TMC7: variants seen among roughly 807,000 people sequenced by gnomAD.
TMC7 encodes the protein transmembrane channel-like protein 7.
A neutral mutation model predicts 82.9 loss-of-function variants in TMC7; 54 were observed. That is an observed-to-expected ratio of 0.65 (90% confidence interval 0.52 to 0.82). TMC7 has a LOEUF of 0.82. TMC7 is among the 40% of genes least tolerant of loss of function. The probability of loss-of-function intolerance (pLI) is 0.00; values close to 1 mark genes in which losing one functional copy is unlikely to be tolerated. For missense variants in TMC7, 820 were observed against 901.2 expected (o/e 0.91, Z 1.15); for synonymous variants, 350 against 337.9 (o/e 1.04, Z -0.39).
At position 19,021,796 on chromosome 16, in the gene TMC7, G is replaced by A. The variant is rs768514727; in HGVS notation, c.628G>A (p.Asp210Asn). 2 of 1,613,862 alleles carry A rather than the reference G, an allele frequency of 1.2e-6. No individual in the cohort carries two copies. The highest frequency in any genetic ancestry group is 2.7e-5 in the African/African-American group (2 of 74,900). The change falls in exon 4 of 16, where the codon GAT (aspartate) becomes AAT (asparagine). Residue 210 changes from aspartate to asparagine, a missense_variant and splice_region_variant. Transcript: ENST00000304381. Reference protein sequence around the residue: ...SFVLIPFKDMDKQCTVYPVSS... With the variant: ...SFVLIPFKDMNKQCTVYPVSS... The stretch of plus-strand genomic sequence containing the variant: ...CGTGCTCATTCCTTTCAAAGACATG[G>A]GTGAGTGTAAGGCCTGGTTTACTAC...
At chr16:19,021,497 G>GA (rs1466044548) in intron 3 of TMC7, 132 bp from the exon 4 acceptor site, 8 of 981,406 alleles carry the variant, frequency 8.2e-6, no homozygotes, top group Non-Finnish European at 1.2e-5. Flanking sequence ...TAACAATTGA[G>GA]AAAAAAATAA....
intron 1 of TMC7, among the ~76,000 whole-genome samples, chr16:18,987,869 G>A (rs1380249475): frequency 2.0e-5 from 3 of 152,304 alleles, no homozygotes; most frequent in East Asian, 3.9e-4. Context: ...GAACCTGGAA[G>A]GGCCTTGATA....
At chr16:19,006,217 T>G (rs1016827228) in intron 1 of TMC7, among the ~76,000 whole-genome samples, 30 of 152,008 alleles carry the variant, frequency 2.0e-4, no homozygotes, top group African/African-American at 6.8e-4. Context: ...TTTTTTTTTT[T>G]TGGACGGAGT....
rs1962099941 is a variant in TMC7, at chr16:19,063,672, T to TGTG, written c.*1829_*1830insGTG. On this transcript the variant is annotated 3_prime_UTR_variant, in exon 16 of 16. Transcript: ENST00000304381. ...ACTTGATGATATTCAAGTTTTCTAT[T>TGTG]TGTGTGTGTGTGTGTGTGTGTGTGT... is the stretch of plus-strand genomic sequence containing the variant. 6.7e-6 allele frequency: 1 copy of TGTG among 149,324 alleles called. No individual in the cohort carries two copies. The highest frequency in any genetic ancestry group is 1.5e-5 in the Non-Finnish European group (1 of 67,230). The allele number at this position is 149,324 out of a possible 1,614,324, so 9.2% of individuals were successfully genotyped here. A position where few individuals can be genotyped will look rare whatever the true frequency, so the allele number is the denominator to read the frequency against.
At chr16:18,995,624 C>T (rs570616082) in intron 1 of TMC7, among the ~76,000 whole-genome samples, 84 of 152,290 alleles carry the variant, frequency 5.5e-4, no homozygotes, top group African/African-American at 1.9e-3. Flanking sequence ...CCTGGAGGAA[C>T]GCCTGGCCGC....
At chr16:19,025,995 C>A (rs899305056) in intron 5 of TMC7, among the ~76,000 whole-genome samples, 2 of 151,752 alleles carry the variant, frequency 1.3e-5, no homozygotes, top group African/African-American at 4.8e-5. Context: ...AGGCTGGTCT[C>A]GAGCTCCTGA....
chr16:18,987,270 C>A (rs2038868522), intron 1 of TMC7, among the ~76,000 whole-genome samples: 1 of 152,112 alleles, frequency 6.6e-6, no homozygotes, highest in South Asian at 2.1e-4. Flanking sequence ...CTGAAGTCAT[C>A]TATCTGGTTT....
intron 3 of TMC7, among the ~76,000 whole-genome samples, chr16:19,017,352 A>T (rs1959746397): frequency 6.7e-6 from 1 of 149,310 alleles, no homozygotes; most frequent in Non-Finnish European, 1.5e-5. Context: ...ATTTAATTTA[A>T]ATTAAATGCA....
intron 13 of TMC7, among the ~76,000 whole-genome samples, chr16:19,052,938 C>T (rs1961603133): frequency 6.6e-6 from 1 of 152,156 alleles, no homozygotes; most frequent in African/African-American, 2.4e-5. Context: ...GTCTCGAACT[C>T]CTGATCTCAA....
chr16:19,041,990 C>G (rs1295674151), intron 9 of TMC7, among the ~76,000 whole-genome samples: 1 of 151,854 alleles, frequency 6.6e-6, no homozygotes, highest in East Asian at 1.9e-4. Flanking sequence ...TTTTCTATGC[C>G]CATAGTTGCT....
chr16:19,059,166 C>A (rs1961896039), intron 14 of TMC7, among the ~76,000 whole-genome samples: 1 of 152,200 alleles, frequency 6.6e-6, no homozygotes, highest in Admixed American at 6.5e-5. Flanking sequence ...GTGTGAGCCA[C>A]TGCGCCCGGC....
At chr16:19,032,024 G>A (rs1960540388) in intron 6 of TMC7, among the ~76,000 whole-genome samples, 2 of 152,188 alleles carry the variant, frequency 1.3e-5, no homozygotes, top group Non-Finnish European at 2.9e-5. Context: ...CAGTGACACT[G>A]TATTATAGAA....
chr16:19,045,084 A>G lies in TMC7; in HGVS notation c.1455+83A>G, dbSNP rs1231770889. 8 of 1,160,302 alleles carry G rather than the reference A, an allele frequency of 6.9e-6. No homozygotes were observed. The Admixed American group carries it at 8.5e-5, about 12-fold the overall frequency. The allele number at this position is 1,160,302 out of a possible 1,614,324, so 71.9% of individuals were successfully genotyped here. A position where few individuals can be genotyped will look rare whatever the true frequency, so the allele number is the denominator to read the frequency against. ...GGTCAAGAGAACAGCGGTTGAAGCC[A>G]TGGGTTTGAACTGCATTTGCTTCGC... On this transcript the variant is annotated intron_variant, in intron 10 of 15. Transcript: ENST00000304381.
chr16:19,055,841 C>G (rs757646501), intron 13 of TMC7, among the ~76,000 whole-genome samples: 1 of 152,148 alleles, frequency 6.6e-6, no homozygotes. Context: ...GCCCAGCATA[C>G]GTTAGCTATT....
chr16:19,038,796 G>A (rs538241230), intron 8 of TMC7, among the ~76,000 whole-genome samples: 15 of 152,294 alleles, frequency 9.8e-5, no homozygotes, highest in African/African-American at 3.4e-4. Flanking sequence ...GGGATTGCAG[G>A]TGTTAGCCAC....
At chr16:19,030,103 C>A in intron 5 of TMC7, 121 bp from the exon 6 acceptor site, 1 of 1,009,064 alleles carries the variant, frequency 9.9e-7, no homozygotes, top group Non-Finnish European at 1.5e-6. Flanking sequence ...CTGTTCCAGT[C>A]TCTGGGGATA....
intron 14 of TMC7, among the ~76,000 whole-genome samples, chr16:19,058,054 C>A (rs2142321136): frequency 6.6e-6 from 1 of 151,874 alleles, no homozygotes; most frequent in Non-Finnish European, 1.5e-5. Flanking sequence ...ACACCAGGCA[C>A]CAGGCACCTT....
intron 3 of TMC7, among the ~76,000 whole-genome samples, chr16:19,017,961 C>T (rs11640739): frequency 0.052 from 7,982 of 152,242 alleles, 329 homozygotes; most frequent in Non-Finnish European, 0.078. Flanking sequence ...TGAGCCACCA[C>T]GCCTGGCTCC....
chr16:19,016,147 A>T (rs137928964), intron 2 of TMC7, among the ~76,000 whole-genome samples: 3 of 151,568 alleles, frequency 2.0e-5, no homozygotes, highest in African/African-American at 7.3e-5. Flanking sequence ...CCCAGGCTGG[A>T]GTGCAATGGC....
Sources: allele counts gnomAD v4.1 joint callset (sites outside exome capture counted in the v4.1 genomes callset), GRCh38; gene constraint gnomAD v4.1.1; transcripts MANE v1.5; gene names NCBI Gene and HGNC (gene_info 2026-07-23, HGNC 2026-07-21).